NTRK3: variants seen among roughly 807,000 people sequenced by gnomAD.
NTRK3 encodes neurotrophic receptor tyrosine kinase 3.
A neutral mutation model predicts 91.7 loss-of-function variants in NTRK3; 24 were observed. The ratio of observed to expected loss-of-function variants is 0.26; its 90% CI spans 0.19 to 0.37. The LOEUF is 0.37. Among genes scored for constraint, NTRK3 ranks in the 10% least tolerant of loss-of-function variants. The pLI is 1.00. For missense variants in NTRK3, 880 were observed against 1,068.9 expected, an observed-to-expected ratio of 0.82 and a Z score of 2.46; for synonymous variants, 483 against 404.0, an observed-to-expected ratio of 1.20 and a Z score of -2.34.
intron 14 of NTRK3, among the ~76,000 whole-genome samples, chr15:87,951,602 G>T (rs1435049178): frequency 3.3e-5 from 5 of 152,144 alleles, no homozygotes; most frequent in Non-Finnish European, 7.4e-5. Flanking sequence ...TTTAGTTAAT[G>T]CACAAAGGAC....
intron 13 of NTRK3, among the ~76,000 whole-genome samples, chr15:88,083,468 T>C (rs1015457314): frequency 4.6e-5 from 7 of 152,164 alleles, no homozygotes; most frequent in African/African-American, 1.7e-4. Flanking sequence ...GTGATCCACC[T>C]GCCTCAGTCT....
intron 13 of NTRK3, among the ~76,000 whole-genome samples, chr15:88,062,358 T>C (rs913784838): frequency 6.6e-6 from 1 of 152,198 alleles, no homozygotes; most frequent in African/African-American, 2.4e-5. Flanking sequence ...CCCTTTCCCA[T>C]TGTTATTAGC....
intron 13 of NTRK3, among the ~76,000 whole-genome samples, chr15:88,090,184 T>C (rs951634727): frequency 1.3e-5 from 2 of 152,228 alleles, no homozygotes; most frequent in African/African-American, 4.8e-5. Flanking sequence ...ATCTTCAGTC[T>C]TCTCCATCTT....
At chr15:87,893,259 C>A (rs554391562) in intron 17 of NTRK3, among the ~76,000 whole-genome samples, 7 of 152,172 alleles carry the variant, frequency 4.6e-5, no homozygotes, top group Non-Finnish European at 1.0e-4. Flanking sequence ...GCAAGAGCAG[C>A]AGTTCCACCT....
At chr15:87,947,993 A>C (rs1374749032) in intron 14 of NTRK3, among the ~76,000 whole-genome samples, 1 of 151,918 alleles carries the variant, frequency 6.6e-6, no homozygotes, top group Non-Finnish European at 1.5e-5. Flanking sequence ...TCAAGATATA[A>C]ATTTCTGCCA....
intron 3 of NTRK3, among the ~76,000 whole-genome samples, chr15:88,226,217 C>A (rs1284581638): frequency 6.6e-6 from 1 of 152,180 alleles, no homozygotes; most frequent in African/African-American, 2.4e-5. Flanking sequence ...CAGGGCAGCA[C>A]CTGCCGGTTG....
At chr15:87,978,286 C>T (rs1238228535) in intron 14 of NTRK3, 1 of 230,808 alleles carries the variant, frequency 4.3e-6, no homozygotes, top group South Asian at 1.8e-4. Flanking sequence ...AAAGTAAACA[C>T]ACATATTGAC....
rs559683852 is a variant in NTRK3 at position 88,112,053 on chromosome 15, C to T, written c.1396+14218G>A. On this transcript the variant is annotated intron_variant, in intron 13 of 18. Coordinates refer to ENST00000394480, the Ensembl canonical transcript of NTRK3. ...TCCTGAGTAGCTGGGACTACAGGCA[C>T]CCGCCACCACGCCCAGCTAATTTTT... Among the ~76,000 whole-genome samples, 4 of 152,074 alleles carry T rather than the reference C, an allele frequency of 2.6e-5. No homozygotes were observed. The South Asian group carries it at 8.3e-4, about 32-fold the overall frequency.
At chr15:88,023,019 A>G (rs1190894429) in intron 14 of NTRK3, among the ~76,000 whole-genome samples, 2 of 152,172 alleles carry the variant, frequency 1.3e-5, no homozygotes, top group Non-Finnish European at 2.9e-5. Flanking sequence ...AGGAAAGTCT[A>G]GTGTTTTCAA....
intron 14 of NTRK3, among the ~76,000 whole-genome samples, chr15:87,957,371 C>T (rs1236987023): frequency 1.3e-5 from 2 of 152,016 alleles, no homozygotes; most frequent in Admixed American, 6.5e-5. Context: ...AGCATCTACA[C>T]ACTACATCCC....
At chr15:88,117,493 C>A (rs961426149) in intron 13 of NTRK3, among the ~76,000 whole-genome samples, 1 of 152,174 alleles carries the variant, frequency 6.6e-6, no homozygotes, top group African/African-American at 2.4e-5. Flanking sequence ...TCAGGATAGA[C>A]AAAGGAGCTA....
intron 14 of NTRK3, among the ~76,000 whole-genome samples, chr15:88,014,230 T>A (rs1169615638): frequency 6.6e-6 from 1 of 152,224 alleles, no homozygotes; most frequent in African/African-American, 2.4e-5. Flanking sequence ...CATTCCTTAT[T>A]AAATGGCCCA....
At chr15:88,101,744 A>G (rs1476004194) in intron 13 of NTRK3, among the ~76,000 whole-genome samples, 3 of 152,216 alleles carry the variant, frequency 2.0e-5, no homozygotes, top group Non-Finnish European at 4.4e-5. Flanking sequence ...GGAAACCATC[A>G]TTCTCAGCAA....
In NTRK3 at chr15:88,204,654, A is replaced by G. The variant is rs149880890; in HGVS notation, c.249-20355T>C. 9.5e-4 allele frequency among the ~76,000 whole-genome samples: 145 copies of G among 152,306 alleles called. 1 individual carries two copies. The highest frequency in any genetic ancestry group is 3.2e-3 in the African/African-American group (131 of 41,570). On this transcript the variant is annotated intron_variant, in intron 3 of 18. Transcript: ENST00000394480. ...GCTTGCACCCTAGGAGGTGTTAAAA[A>G]TTCTTTCTGGATGAACTAATCAGTT... is the stretch of plus-strand genomic sequence containing the variant.
At chr15:88,224,474 T>C (rs4243097) in intron 3 of NTRK3, among the ~76,000 whole-genome samples, 130,090 of 152,270 alleles carry the variant, frequency 0.85, 55,842 homozygotes, top group East Asian at 0.98. Flanking sequence ...GAGGGGACCT[T>C]GGGTACATTA....
intron 3 of NTRK3, among the ~76,000 whole-genome samples, chr15:88,247,037 C>T (rs748023006): frequency 2.6e-5 from 4 of 152,182 alleles, no homozygotes; most frequent in Non-Finnish European, 4.4e-5. Flanking sequence ...AAGCCAAAAT[C>T]TTTTAAGGTC....
chr15:88,024,688 T>C (rs545714338), intron 14 of NTRK3, among the ~76,000 whole-genome samples: 3 of 152,246 alleles, frequency 2.0e-5, no homozygotes, highest in African/African-American at 4.8e-5. Context: ...GAAAAATGGA[T>C]TCAGCATGGA....
At chr15:88,187,651 T>G (rs1036941736) in intron 3 of NTRK3, among the ~76,000 whole-genome samples, 1 of 152,208 alleles carries the variant, frequency 6.6e-6, no homozygotes, top group Non-Finnish European at 1.5e-5. Flanking sequence ...ATTTGTTTTG[T>G]CATTTGAAAA....
At chr15:88,024,936 G>A (rs1054656219) in intron 14 of NTRK3, among the ~76,000 whole-genome samples, 5 of 152,220 alleles carry the variant, frequency 3.3e-5, no homozygotes, top group African/African-American at 1.2e-4. Flanking sequence ...TAGAAGTGAA[G>A]TATGCTCACT....
Sources: allele counts gnomAD v4.1 joint callset (sites outside exome capture counted in the v4.1 genomes callset), GRCh38; gene constraint gnomAD v4.1.1; transcripts MANE v1.5; gene names NCBI Gene and HGNC (gene_info 2026-07-23, HGNC 2026-07-21).